UPF1: variants seen among roughly 807,000 people sequenced by gnomAD.
UPF1 encodes the protein regulator of nonsense transcripts 1.
A neutral mutation model predicts 129.2 loss-of-function variants in UPF1; 9 were observed. That is an observed-to-expected ratio of 0.07 (90% CI 0.04 to 0.12). UPF1 has a LOEUF of 0.12. Among genes scored for constraint, UPF1 ranks in the 10% least tolerant of loss-of-function variants. The probability of loss-of-function intolerance (pLI) is 1.00; values close to 1 mark genes in which losing one functional copy is unlikely to be tolerated. For missense variants in UPF1, 788 were observed against 1,525.3 expected, an observed-to-expected ratio of 0.52 and a Z score of 8.05; for synonymous variants, 649 against 644.9, an observed-to-expected ratio of 1.01 and a Z score of -0.10.
chr19:18,834,489 A>C (rs1353210906), intron 1 of UPF1, among the ~76,000 whole-genome samples: 1 of 152,162 alleles, frequency 6.6e-6, no homozygotes, highest in Non-Finnish European at 1.5e-5. Context: ...TGGGCTGTAC[A>C]AAAGGAGAGC....
chr19:18,843,635 G>A (rs975906122), intron 1 of UPF1, among the ~76,000 whole-genome samples: 3 of 149,616 alleles, frequency 2.0e-5, no homozygotes, highest in Admixed American at 1.3e-4. Context: ...TCTCCTGCAC[G>A]GGGATTACAG....
chr19:18,840,880 G>A (rs1056248639), intron 1 of UPF1, among the ~76,000 whole-genome samples: 1 of 152,324 alleles, frequency 6.6e-6, no homozygotes, highest in South Asian at 2.1e-4. Flanking sequence ...CTCAGGTCCC[G>A]TGGGCCTTTG....
intron 1 of UPF1, among the ~76,000 whole-genome samples, chr19:18,845,231 C>A (rs1028167046): frequency 1.3e-5 from 2 of 152,208 alleles, no homozygotes; most frequent in Non-Finnish European, 2.9e-5. Flanking sequence ...GCTGCCTGAC[C>A]CCGTGGTGGG....
rs1213677175 is a variant in UPF1, at chr19:18,865,955, T to TAAAA, written c.3238-89_3238-88insAAAA. On this transcript the variant is annotated intron_variant, in intron 22 of 23. Transcript: ENST00000262803. This position sits in a 1 kb window ranked among gnomAD's most constrained non-coding sequence, Gnocchi z 6.1. ...TGGGTCTTAGTTTGGGGACGGGTTT[T>TAAAA]CCATTCTTTTCTCTGGGGCTGCTGA... 1.3e-6 allele frequency: 2 copies of TAAAA among 1,597,014 alleles called. No individual in the cohort carries two copies. Among genetic ancestry groups the TAAAA allele is most frequent in the Non-Finnish European group, 1.7e-6 (2 of 1,175,564 alleles).
intron 15 of UPF1, 21 bp from the exon 16 acceptor site, chr19:18,860,300 C>A (rs773705075): frequency 2.5e-5 from 41 of 1,612,796 alleles, no homozygotes; most frequent in South Asian, 7.7e-5. Flanking sequence ...TGAAGTGTTA[C>A]TTCTTTCCCT....
At position 18,850,859 on chromosome 19, in the gene UPF1, G is replaced by A; in HGVS notation, c.801G>A (p.Glu267=). ...ITAQQINKLE[E]LWKENPSATL... ...CACAGCAGATCAACAAGCTGGAGGA[G>A]CTGTGGAAGGTGGGGCTGCCCAGCG... Residue 267 remains glutamate, a synonymous_variant, in exon 5 of 24, where the codon GAG becomes GAA. Transcript: ENST00000262803. This position sits in a 1 kb window ranked among gnomAD's most constrained non-coding sequence, Gnocchi z 7.1. The A allele has an allele frequency of 1.3e-6, 2 of 1,585,854 alleles. No homozygotes were observed. Among genetic ancestry groups the A allele is most frequent in the Non-Finnish European group, 1.7e-6 (2 of 1,165,076 alleles).
chr19:18,865,976 G>A lies in UPF1; in HGVS notation c.3238-68G>A. On this transcript the variant is annotated intron_variant, in intron 22 of 23. Coordinates refer to ENST00000262803, the MANE Select transcript of UPF1 (RefSeq NM_002911.4). This position sits in a 1 kb window ranked among gnomAD's most constrained non-coding sequence, Gnocchi z 6.1. ...GTTTTCCATTCTTTTCTCTGGGGCT[G>A]CTGAGGGCTGGGTGGATGTGAGCAC... The A allele has an allele frequency of 1.9e-6, 3 of 1,603,732 alleles. No homozygotes were observed. In the Admixed American group the frequency reaches 5.3e-5, roughly 28 times the overall value.
intron 9 of UPF1, 44 bp from the exon 10 acceptor site, chr19:18,854,835 C>T (rs547167197): frequency 1.6e-5 from 26 of 1,608,596 alleles, no homozygotes; most frequent in Middle Eastern, 1.7e-4. Context: ...GTCGGAGAGG[C>T]GGCCACAGCT....
At chr19:18,841,134 C>T (rs2055536767) in intron 1 of UPF1, among the ~76,000 whole-genome samples, 1 of 152,254 alleles carries the variant, frequency 6.6e-6, no homozygotes, top group Non-Finnish European at 1.5e-5. Flanking sequence ...CCTGCTGCAT[C>T]CTCCGTGTAG....
At chr19:18,863,340 G>T in intron 18 of UPF1, 98 bp from the exon 19 acceptor site, 1 of 1,497,546 alleles carries the variant, frequency 6.7e-7, no homozygotes, top group Non-Finnish European at 9.1e-7. Flanking sequence ...CTGTTGCCTT[G>T]GATTTGGGTT....
intron 1 of UPF1, among the ~76,000 whole-genome samples, chr19:18,842,534 G>A (rs949463098): frequency 1.3e-5 from 2 of 152,132 alleles, no homozygotes; most frequent in East Asian, 3.8e-4. Context: ...TTCAAAATAA[G>A]AGGAAATATC....
In UPF1 at chr19:18,856,284, A is replaced by G. The variant is rs764058862; in HGVS notation, c.1808A>G (p.Glu603Gly). 3 of 1,595,698 alleles carry G rather than the reference A, an allele frequency of 1.9e-6. No homozygotes were observed. Among genetic ancestry groups the G allele is most frequent in the Non-Finnish European group, 1.7e-6 (2 of 1,165,056 alleles). Residue 603 changes from glutamate to glycine, a missense_variant, in exon 13 of 24, where the codon GAG becomes GGG. Physicochemically the swap from Glu to Gly is moderately conservative, Grantham distance 98 (BLOSUM62 -2). Around this residue, in one of 6 missense-constraint regions of UPF1, gnomAD observed 91 missense variants for 157.2 expected, o/e 0.58. Coordinates refer to ENST00000262803, the MANE Select transcript of UPF1 (RefSeq NM_002911.4). Reference sequence around the variant, plus strand: ...TACCGGGCCTTGAAGCGCACCGCAGAGAGAGAGCTGCTGATGGTGAGTGCC... The same window carrying G: ...TACCGGGCCTTGAAGCGCACCGCAGGGAGAGAGCTGCTGATGGTGAGTGCC... The part of the protein sequence containing the change: ...KRYRALKRTA[E>G]RELLMNADVI...
At chr19:18,836,266 C>T (rs558977981) in intron 1 of UPF1, among the ~76,000 whole-genome samples, 3 of 152,302 alleles carry the variant, frequency 2.0e-5, no homozygotes, top group Admixed American at 6.5e-5. Flanking sequence ...GCCTTTTGGT[C>T]TGCCTGGTTG....
chr19:18,866,431 C>G (rs939977620), intron 23 of UPF1, 90 bp from the exon 24 acceptor site: 3 of 450,266 alleles, frequency 6.7e-6, no homozygotes, highest in Non-Finnish European at 7.8e-6. Context: ...GAGGGCAGCT[C>G]GGGCTCTCCC....
chr19:18,858,749 A>G (rs902447917), intron 15 of UPF1, among the ~76,000 whole-genome samples: 3 of 152,146 alleles, frequency 2.0e-5, no homozygotes, highest in African/African-American at 7.2e-5. Flanking sequence ...GATTTGCAGA[A>G]ATGGGAGACA....
chr19:18,864,094 C>G (rs772421535), intron 19 of UPF1, 76 bp from the exon 20 acceptor site: 2 of 1,373,884 alleles, frequency 1.5e-6, no homozygotes, highest in Non-Finnish European at 2.1e-6. Flanking sequence ...CCTGCCACCT[C>G]CCAGGCCACC....
chr19:18,859,110 C>T (rs1006736758), intron 15 of UPF1, among the ~76,000 whole-genome samples: 22 of 152,194 alleles, frequency 1.4e-4, no homozygotes, highest in African/African-American at 2.2e-4. Flanking sequence ...CTGTTCCCAG[C>T]GCATGGCAAG....
chr19:18,854,539 AG>A (rs1164875417), intron 8 of UPF1, 61 bp from the exon 9 acceptor site: 6 of 1,346,746 alleles, frequency 4.5e-6, no homozygotes, highest in Non-Finnish European at 4.2e-6. Context: ...GCGTGTACCA[AG>A]GGTGGCCCAG....
At chr19:18,848,768 A>G (rs918588954) in intron 3 of UPF1, among the ~76,000 whole-genome samples, 1 of 152,104 alleles carries the variant, frequency 6.6e-6, no homozygotes, top group African/African-American at 2.4e-5. Flanking sequence ...GCTGTTTTTA[A>G]AAGATTTTAA....
Sources: allele counts gnomAD v4.1 joint callset (sites outside exome capture counted in the v4.1 genomes callset), GRCh38; gene constraint gnomAD v4.1.1; regional missense constraint gnomAD v4.1.1; non-coding constraint Gnocchi (gnomAD v3.1); transcripts MANE v1.5; gene names NCBI Gene and HGNC (gene_info 2026-07-23, HGNC 2026-07-21).